NRG3: variants seen among roughly 807,000 people sequenced by gnomAD.
NRG3 encodes pro-neuregulin-3, membrane-bound isoform.
NRG3 carries 31 observed loss-of-function variants against 66.9 expected under a neutral mutation model. The ratio of observed to expected loss-of-function variants is 0.46; its 90% confidence interval spans 0.35 to 0.63. NRG3 has a LOEUF of 0.63. NRG3 is among the 20% of genes least tolerant of loss of function. NRG3 has a pLI of 0.00. For synonymous variants in NRG3, 393 were observed against 359.4 expected, an observed-to-expected ratio of 1.09 and a Z score of -1.06; for missense variants, 910 against 878.9, an observed-to-expected ratio of 1.04 and a Z score of -0.45.
chr10:82,862,569 C>T (rs1010035561), intron 3 of NRG3, among the ~76,000 whole-genome samples: 45 of 152,054 alleles, frequency 3.0e-4, no homozygotes, highest in Middle Eastern at 6.4e-3. Flanking sequence ...GTACAGTTTC[C>T]GTAAAGGAAA....
chr10:82,737,100 C>T (rs927205305), intron 2 of NRG3, among the ~76,000 whole-genome samples: 23 of 152,182 alleles, frequency 1.5e-4, no homozygotes, highest in African/African-American at 5.3e-4. Context: ...GATATGCCTA[C>T]TTTATTTCAA....
chr10:82,482,245 A>G (rs1032401754), intron 2 of NRG3, among the ~76,000 whole-genome samples: 1 of 152,120 alleles, frequency 6.6e-6, no homozygotes, highest in African/African-American at 2.4e-5. Flanking sequence ...TTTAGTTATC[A>G]TGTTGTCTTT....
chr10:82,344,351 A>T (rs942821966), intron 1 of NRG3, among the ~76,000 whole-genome samples: 89 of 151,526 alleles, frequency 5.9e-4, no homozygotes, highest in African/African-American at 2.0e-3. Flanking sequence ...ACTGAGAATG[A>T]TGATTTCCAC....
At chr10:82,261,884 ATGTCACGG>A (rs1243094853) in intron 1 of NRG3, among the ~76,000 whole-genome samples, 1 of 152,156 alleles carries the variant, frequency 6.6e-6, no homozygotes, top group Non-Finnish European at 1.5e-5. Flanking sequence ...CATCACGAAC[ATGTCACGG>A]TGCTGCTGAG....
At chr10:82,537,753 A>G (rs752727929) in intron 2 of NRG3, among the ~76,000 whole-genome samples, 2 of 152,204 alleles carry the variant, frequency 1.3e-5, no homozygotes, top group Non-Finnish European at 2.9e-5. Flanking sequence ...TAATGGTATT[A>G]ATATATCCTA....
At chr10:82,178,028 A>G (rs1014153492) in intron 1 of NRG3, among the ~76,000 whole-genome samples, 1 of 152,152 alleles carries the variant, frequency 6.6e-6, no homozygotes, top group African/African-American at 2.4e-5. Context: ...GCTTTTGCTT[A>G]TGTGGGTCTT....
At chr10:82,769,137 T>G (rs562695072) in intron 3 of NRG3, among the ~76,000 whole-genome samples, 1 of 152,118 alleles carries the variant, frequency 6.6e-6, no homozygotes, top group African/African-American at 2.4e-5. Flanking sequence ...ATAAATAGTT[T>G]GTGAAATATG....
At chr10:82,282,028 C>G (rs541836746) in intron 1 of NRG3, among the ~76,000 whole-genome samples, 1 of 151,900 alleles carries the variant, frequency 6.6e-6, no homozygotes, top group Non-Finnish European at 1.5e-5. Context: ...CAAGCCTGTG[C>G]TTATATGGCT....
chr10:82,979,295 T>C (rs1229644596), intron 8 of NRG3, among the ~76,000 whole-genome samples, 175 bp downstream of exon 8: 1 of 152,182 alleles, frequency 6.6e-6, no homozygotes, highest in Non-Finnish European at 1.5e-5. Flanking sequence ...ATAGTTGTGA[T>C]GGAAAATAGG....
intron 3 of NRG3, among the ~76,000 whole-genome samples, chr10:82,757,590 C>T (rs932786881): frequency 2.6e-5 from 4 of 152,062 alleles, no homozygotes; most frequent in African/African-American, 9.7e-5. Context: ...CACAAAATGT[C>T]AGAATGAATG....
chr10:82,472,343 T>C (rs905061600), intron 2 of NRG3, among the ~76,000 whole-genome samples: 2 of 152,204 alleles, frequency 1.3e-5, no homozygotes, highest in African/African-American at 4.8e-5. Context: ...AGTTCAATGA[T>C]GAGAAATGCA....
At chr10:82,160,449 C>T (rs1041253924) in intron 1 of NRG3, among the ~76,000 whole-genome samples, 2 of 151,756 alleles carry the variant, frequency 1.3e-5, no homozygotes, top group Admixed American at 6.6e-5. Flanking sequence ...ATGAAAACAT[C>T]GCTAAACAGA....
At chr10:82,398,522 T>TGAGAGAGAGA (rs756421839) in intron 2 of NRG3, among the ~76,000 whole-genome samples, 5 of 142,048 alleles carry the variant, frequency 3.5e-5, no homozygotes, top group Non-Finnish European at 6.2e-5. Flanking sequence ...TGTGTGTGTG[T>TGAGAGAGAGA]GTGTGAGAGA....
intron 4 of NRG3, among the ~76,000 whole-genome samples, chr10:82,871,334 A>G (rs1175011409): frequency 6.6e-6 from 1 of 151,650 alleles, no homozygotes; most frequent in African/African-American, 2.4e-5. Flanking sequence ...TAGCTTTATA[A>G]TAAGTATTGA....
intron 3 of NRG3, among the ~76,000 whole-genome samples, chr10:82,799,307 C>A (rs2135423430): frequency 6.6e-6 from 1 of 152,140 alleles, no homozygotes; most frequent in East Asian, 1.9e-4. Flanking sequence ...GCGGGCGGAT[C>A]ACCGAAGTCA....
At chr10:82,440,413 A>C (rs2090376248) in intron 2 of NRG3, among the ~76,000 whole-genome samples, 1 of 103,862 alleles carries the variant, frequency 9.6e-6, no homozygotes, top group Non-Finnish European at 2.0e-5. Context: ...TATGTATGCT[A>C]TACTTTTGGG....
chr10:82,709,214 C>T (rs774712052), intron 2 of NRG3, among the ~76,000 whole-genome samples: 92 of 152,252 alleles, frequency 6.0e-4, no homozygotes, highest in Non-Finnish European at 9.1e-4. Flanking sequence ...TCACACTAGC[C>T]AATTGTGTCT....
chr10:82,932,688 C>G (rs535533508), intron 4 of NRG3, among the ~76,000 whole-genome samples: 1 of 152,194 alleles, frequency 6.6e-6, no homozygotes, highest in Non-Finnish European at 1.5e-5. Flanking sequence ...TCCCTGAGAT[C>G]CCTGCCCTGC....
At chr10:82,717,723 T>C (rs2057060619) in intron 2 of NRG3, among the ~76,000 whole-genome samples, 1 of 151,966 alleles carries the variant, frequency 6.6e-6, no homozygotes, top group Non-Finnish European at 1.5e-5. Context: ...TCACATAATC[T>C]CCAAGCACAG....
Sources: allele counts gnomAD v4.1 joint callset (sites outside exome capture counted in the v4.1 genomes callset), GRCh38; gene constraint gnomAD v4.1.1; transcripts MANE v1.5; gene names NCBI Gene and HGNC (gene_info 2026-07-23, HGNC 2026-07-21).